The following GABRA5 variants were observed in gnomAD, a reference collection of about 807,000 sequenced individuals.
GABRA5 encodes the protein gamma-aminobutyric acid type A receptor subunit alpha5.
Under a neutral mutation model 47.3 loss-of-function variants are expected in GABRA5, and 18 were observed. That is an observed-to-expected ratio of 0.38 (90% CI 0.26 to 0.56). The LOEUF (loss-of-function observed/expected upper bound fraction) is 0.56, where lower values mean the gene tolerates loss of function less well. GABRA5 is among the 20% of genes least tolerant of loss of function. The pLI is 0.71. For synonymous variants in GABRA5, 237 were observed against 229.3 expected, an observed-to-expected ratio of 1.03 and a Z score of -0.30; for missense variants, 365 against 599.3, an observed-to-expected ratio of 0.61 and a Z score of 4.08.
chr15:26,940,144 C>T lies in GABRA5; in HGVS notation c.877+67C>T, dbSNP rs74006534. ...ACTGACCCTAACCACCCGGAAGCAA[C>T]AGCAACAACCTCCACGAAACTTCTA... On this transcript the variant is annotated intron_variant, in intron 9 of 10. Coordinates refer to ENST00000335625, the MANE Select transcript of GABRA5 (RefSeq NM_000810.4). 1.9e-4 allele frequency: 268 copies of T among 1,409,948 alleles called. 1 individual carries two copies. In the African/African-American group the frequency reaches 3.6e-3, roughly 19 times the overall value. The allele number at this position is 1,409,948 out of a possible 1,614,324, so 87.3% of individuals were successfully genotyped here.
chr15:26,937,290 G>A lies in GABRA5; in HGVS notation c.686G>A (p.Gly229Glu), dbSNP rs776868902. The A allele has an allele frequency of 1.9e-6, 3 of 1,613,686 alleles. No individual in the cohort carries two copies. The highest frequency in any genetic ancestry group is 2.2e-5 in the South Asian group (2 of 91,044). ...AGACTGAACCAGTACCACCTGATGG[G>A]GCAGACGGTGGGCACTGAGAACATC... ...GSRLNQYHLMGQTVGTENIST... is the reference protein window; with the variant it reads ...GSRLNQYHLMEQTVGTENIST... The change falls in exon 8 of 11, where the codon GGG (glycine) becomes GAG (glutamate). Residue 229 changes from glycine to glutamate, a missense_variant. Physicochemically the swap from Gly to Glu is moderately conservative, Grantham distance 98. This residue lies in a region of GABRA5 where 216 missense variants were observed against 335.3 expected (regional missense o/e 0.64). Coordinates refer to ENST00000335625, the MANE Select transcript of GABRA5 (RefSeq NM_000810.4).
intron 6 of GABRA5, among the ~76,000 whole-genome samples, chr15:26,900,356 C>T (rs1422541790): frequency 6.6e-6 from 1 of 151,882 alleles, no homozygotes; most frequent in East Asian, 1.9e-4. Flanking sequence ...GGTTACAAAT[C>T]AAAAATATCA....
intron 7 of GABRA5, among the ~76,000 whole-genome samples, chr15:26,928,528 G>A (rs1894014461): frequency 6.6e-6 from 1 of 152,042 alleles, no homozygotes; most frequent in South Asian, 2.1e-4. Flanking sequence ...TAAGAAGTGG[G>A]GCCCTTACGA....
intron 7 of GABRA5, among the ~76,000 whole-genome samples, chr15:26,932,399 T>G (rs1165011818): frequency 6.6e-6 from 1 of 152,030 alleles, no homozygotes; most frequent in Non-Finnish European, 1.5e-5. Flanking sequence ...GAAATGCAAA[T>G]CAAAACCACA....
At chr15:26,928,714 G>A (rs1007459379) in intron 7 of GABRA5, among the ~76,000 whole-genome samples, 1 of 152,094 alleles carries the variant, frequency 6.6e-6, no homozygotes, top group Non-Finnish European at 1.5e-5. Flanking sequence ...AGTCTGGTTT[G>A]GCTGTTATAA....
Position 26,937,297 on chromosome 15 carries a change from G to A in GABRA5, c.693G>A (p.Thr231=), listed in dbSNP as rs374318313. The A allele has an allele frequency of 3.4e-5, 55 of 1,613,254 alleles. No individual in the cohort carries two copies. The highest frequency in any genetic ancestry group is 1.1e-4 in the East Asian group (5 of 44,868). ...RLNQYHLMGQ[T]VGTENISTST... ...ACCAGTACCACCTGATGGGGCAGAC[G>A]GTGGGCACTGAGAACATCAGCACCA... is the stretch of plus-strand genomic sequence containing the variant. The change falls in exon 8 of 11, where the codon ACG becomes ACA. Residue 231 remains threonine, a synonymous_variant. Transcript: ENST00000335625.
chr15:26,927,104 ATT>A (rs879588937), intron 7 of GABRA5, among the ~76,000 whole-genome samples: 1 of 148,362 alleles, frequency 6.7e-6, no homozygotes, highest in Non-Finnish European at 1.5e-5. Flanking sequence ...TCTGCCTGCT[ATT>A]TTTTTTTTCT....
chr15:26,905,685 GCTC>G (rs1185748343), intron 6 of GABRA5, among the ~76,000 whole-genome samples: 1 of 150,608 alleles, frequency 6.6e-6, no homozygotes, highest in Non-Finnish European at 1.5e-5. Flanking sequence ...TTTTCTTTCT[GCTC>G]CTCAGAATGG....
intron 7 of GABRA5, among the ~76,000 whole-genome samples, chr15:26,929,454 G>A (rs1213317950): frequency 6.6e-6 from 1 of 152,206 alleles, no homozygotes; most frequent in East Asian, 1.9e-4. Flanking sequence ...GTCACACTGG[G>A]GCAGCAGCTG....
At chr15:26,892,784 TGAAGG>T (rs1200902730) in intron 6 of GABRA5, among the ~76,000 whole-genome samples, 6 of 152,224 alleles carry the variant, frequency 3.9e-5, no homozygotes, top group Non-Finnish European at 8.8e-5. Flanking sequence ...TGGAATCAGC[TGAAGG>T]GCCCCTTGGG....
At chr15:26,916,176 C>T (rs548106743) in intron 7 of GABRA5, among the ~76,000 whole-genome samples, 59 of 152,248 alleles carry the variant, frequency 3.9e-4, no homozygotes, top group Non-Finnish European at 6.3e-4. Flanking sequence ...CTGTGTCTTA[C>T]TGGAAAATGT....
At position 26,918,552 on chromosome 15, in the gene GABRA5, GA is replaced by G. The variant is rs1893769729; in HGVS notation, c.580+3670del. Among the ~76,000 whole-genome samples the G allele has an allele frequency of 4.6e-5, 7 of 152,152 alleles. No individual in the cohort carries two copies. In the South Asian group the frequency reaches 1.4e-3, roughly 31 times the overall value. On this transcript the variant is annotated intron_variant, in intron 7 of 10. Transcript: ENST00000335625. ...TATCCATAACTGAGAGAGAGGTATT[GA>G]AATCTACTACTATTATTGCACTGCT...
chr15:26,893,820 C>T (rs1893103233), intron 6 of GABRA5, among the ~76,000 whole-genome samples: 1 of 151,982 alleles, frequency 6.6e-6, no homozygotes, highest in African/African-American at 2.4e-5. Flanking sequence ...GAGGCTGGGC[C>T]AGGGGACCCG....
intron 4 of GABRA5, among the ~76,000 whole-genome samples, chr15:26,882,522 G>A (rs1005135464): frequency 1.3e-5 from 2 of 152,156 alleles, no homozygotes; most frequent in African/African-American, 4.8e-5. Flanking sequence ...GAAGTACACA[G>A]GTTTTCCCCC....
chr15:26,939,359 A>G (rs772906669), intron 8 of GABRA5: 1 of 765,300 alleles, frequency 1.3e-6, no homozygotes, highest in South Asian at 1.3e-5. Context: ...CCCCGATTTC[A>G]AAGAACAGGC....
In GABRA5 at chr15:26,897,337, C is replaced by A. The variant is rs543492763; in HGVS notation, c.497+13780C>A. 2.6e-5 allele frequency among the ~76,000 whole-genome samples: 4 copies of A among 152,278 alleles called. No homozygotes were observed. In the South Asian group the frequency reaches 8.3e-4, roughly 32 times the overall value. On this transcript the variant is annotated intron_variant, in intron 6 of 10. Coordinates refer to ENST00000335625, the MANE Select transcript of GABRA5 (RefSeq NM_000810.4). ...AATGAGGAGAAGATTAGAACACGGG[C>A]ACCCACAGAAGGAAGACCATGCGAG... is the stretch of plus-strand genomic sequence containing the variant.
intron 6 of GABRA5, among the ~76,000 whole-genome samples, chr15:26,906,010 C>T (rs1197260424): frequency 6.6e-6 from 1 of 151,764 alleles, no homozygotes; most frequent in East Asian, 1.9e-4. Context: ...ATTTATTTTT[C>T]CCTTTGAACA....
chr15:26,899,141 G>A (rs1479956115), intron 6 of GABRA5, among the ~76,000 whole-genome samples: 1 of 152,136 alleles, frequency 6.6e-6, no homozygotes, highest in African/African-American at 2.4e-5. Context: ...GGGATTACAG[G>A]TGTGAGCCAC....
intron 4 of GABRA5, among the ~76,000 whole-genome samples, chr15:26,882,728 T>C (rs1346699313): frequency 6.6e-6 from 1 of 152,110 alleles, no homozygotes; most frequent in African/African-American, 2.4e-5. Flanking sequence ...CCTGCTTTGA[T>C]TGGAAAGTCA....
Sources: allele counts gnomAD v4.1 joint callset (sites outside exome capture counted in the v4.1 genomes callset), GRCh38; gene constraint gnomAD v4.1.1; regional missense constraint gnomAD v4.1.1; transcripts MANE v1.5; gene names NCBI Gene and HGNC (gene_info 2026-07-23, HGNC 2026-07-21).